The following BCL11A variants were observed in gnomAD, a reference collection of about 807,000 sequenced individuals.
BCL11A encodes BCL11 transcription factor A.
Under a neutral mutation model 55.9 loss-of-function variants are expected in BCL11A, and 2 were observed. The ratio of observed to expected loss-of-function variants is 0.04; its 90% confidence interval spans 0.01 to 0.11. BCL11A has a LOEUF of 0.11. Among genes scored for constraint, BCL11A ranks in the 10% least tolerant of loss-of-function variants. BCL11A has a pLI of 1.00. For missense variants in BCL11A, 817 were observed against 1,137.1 expected, an observed-to-expected ratio of 0.72 and a Z score of 4.05; for synonymous variants, 465 against 473.4, an observed-to-expected ratio of 0.98 and a Z score of 0.23.
rs112094046 is a variant in BCL11A at position 60,459,930 on chromosome 2, C to A, written c.*474G>T. On this transcript the variant is annotated 3_prime_UTR_variant, in exon 4 of 4. Transcript: ENST00000642384. ...TATTACAGAATGTATGCAGCATGGT[C>A]TTTTTCTCTCTCTCTCTCTTTTTCT... is the stretch of plus-strand genomic sequence containing the variant. The A allele has an allele frequency of 5.6e-5, 59 of 1,061,710 alleles. No homozygotes were observed. The highest frequency in any genetic ancestry group is 6.6e-5 in the Non-Finnish European group (58 of 877,022). 65.8% of individuals were successfully genotyped at this position (1,061,710 alleles called of 1,614,324 possible).
intron 3 of BCL11A, among the ~76,000 whole-genome samples, chr2:60,467,777 G>A (rs1572964436): frequency 1.1e-5 from 1 of 88,132 alleles, no homozygotes; most frequent in Non-Finnish European, 2.4e-5. Context: ...GGTGGAGATG[G>A]TGGTGTTGAT....
At chr2:60,551,487 G>A (rs760152398) in intron 1 of BCL11A, among the ~76,000 whole-genome samples, 9 of 152,264 alleles carry the variant, frequency 5.9e-5, no homozygotes, top group Non-Finnish European at 1.0e-4. Context: ...CAGACCGGGC[G>A]GGGTGGGGGG....
chr2:60,540,497 C>T lies in BCL11A; in HGVS notation c.385+5474G>A, dbSNP rs373507463. On this transcript the variant is annotated intron_variant, in intron 2 of 3. Coordinates refer to ENST00000642384, the MANE Select transcript of BCL11A (RefSeq NM_022893.4). ...TTTAATATTTCCCCCCAAAGGAAAG[C>T]CAAAATTTGTTTCCTTTCTTACTGA... is the stretch of plus-strand genomic sequence containing the variant. 3.9e-4 allele frequency among the ~76,000 whole-genome samples: 59 copies of T among 152,268 alleles called. 1 individual carries two copies. The East Asian group carries it at 9.3e-3, about 24-fold the overall frequency.
chr2:60,546,693 TA>T lies in BCL11A; in HGVS notation c.56-394del, dbSNP rs911720360. 1.9e-4 allele frequency among the ~76,000 whole-genome samples: 28 copies of T among 148,196 alleles called. No homozygotes were observed. Among genetic ancestry groups the T allele is most frequent in the Admixed American group, 3.4e-4 (5 of 14,890 alleles). On this transcript the variant is annotated intron_variant, in intron 1 of 3. Transcript: ENST00000642384. This position sits in a 1 kb window ranked among gnomAD's most constrained non-coding sequence, Gnocchi z 4.1. The stretch of plus-strand genomic sequence containing the variant: ...AATAATAACTACAAGAAAAACTGGT[TA>T]AAAAAAAAAGTGGATAGAAACCAAA...
chr2:60,544,631 T>G (rs374686405), intron 2 of BCL11A: 3 of 152,332 alleles, frequency 2.0e-5, no homozygotes, highest in African/African-American at 7.2e-5. Context: ...TAATCCCCTC[T>G]AGACCACTGA....
At chr2:60,540,033 G>A (rs1160033158) in intron 2 of BCL11A, among the ~76,000 whole-genome samples, 1 of 152,082 alleles carries the variant, frequency 6.6e-6, no homozygotes, top group Admixed American at 6.5e-5. Flanking sequence ...TATATAGTCT[G>A]AACATATTTT....
chr2:60,480,056 G>A (rs1023114516), intron 2 of BCL11A, among the ~76,000 whole-genome samples: 10 of 152,140 alleles, frequency 6.6e-5, no homozygotes, highest in South Asian at 2.1e-4. Flanking sequence ...CGGCTCCTCC[G>A]GTGTGGAGCA....
chr2:60,485,373 C>A (rs1410102979), intron 2 of BCL11A, among the ~76,000 whole-genome samples: 1 of 152,244 alleles, frequency 6.6e-6, no homozygotes, highest in Non-Finnish European at 1.5e-5. Context: ...CCCAGCAGGG[C>A]CCATGCCTCT....
chr2:60,463,556 C>T (rs894349958), intron 3 of BCL11A, among the ~76,000 whole-genome samples: 7 of 152,218 alleles, frequency 4.6e-5, no homozygotes, highest in Admixed American at 2.6e-4. Flanking sequence ...CACATTATTT[C>T]CCTTGCTGAA....
chr2:60,506,567 G>A (rs1199835765), intron 2 of BCL11A, among the ~76,000 whole-genome samples: 3 of 152,156 alleles, frequency 2.0e-5, no homozygotes, highest in Non-Finnish European at 4.4e-5. Context: ...GAAAGCCCTG[G>A]CTATACAAAA....
chr2:60,549,279 T>C (rs1277431502), intron 1 of BCL11A, among the ~76,000 whole-genome samples: 1 of 152,084 alleles, frequency 6.6e-6, no homozygotes, highest in African/African-American at 2.4e-5. Flanking sequence ...AAATAATCCT[T>C]ATAGGAAATG....
At chr2:60,549,584 T>A (rs907514942) in intron 1 of BCL11A, among the ~76,000 whole-genome samples, 12 of 152,198 alleles carry the variant, frequency 7.9e-5, no homozygotes, top group Admixed American at 4.6e-4. Flanking sequence ...CCGCCGCGCT[T>A]GCTGCGAACA....
chr2:60,538,739 C>CTCTGTGTGTGTGTG (rs1436371909), intron 2 of BCL11A, among the ~76,000 whole-genome samples: 2 of 67,530 alleles, frequency 3.0e-5, no homozygotes, highest in Admixed American at 3.0e-4. Context: ...CTCTCTCTCT[C>CTCTGTGTGTGTGTG]TGTGTGTGTG....
At chr2:60,543,556 T>C (rs531364262) in intron 2 of BCL11A, 3 of 152,128 alleles carry the variant, frequency 2.0e-5, no homozygotes, top group African/African-American at 7.2e-5. Context: ...GGCCAGAGCG[T>C]CGGAATTTAT....
intron 2 of BCL11A, chr2:60,524,635 C>G (rs1432060260): frequency 6.6e-6 from 1 of 151,818 alleles, no homozygotes; most frequent in African/African-American, 2.4e-5. Context: ...AATAAATTAC[C>G]TTTTTATTGA....
intron 2 of BCL11A, among the ~76,000 whole-genome samples, chr2:60,499,295 C>T (rs1211555422): frequency 6.6e-6 from 1 of 152,194 alleles, no homozygotes; most frequent in African/African-American, 2.4e-5. Context: ...GACGCCCCTG[C>T]CCAGCCATAC....
chr2:60,479,740 C>T (rs1677845136), intron 2 of BCL11A, among the ~76,000 whole-genome samples: 1 of 152,216 alleles, frequency 6.6e-6, no homozygotes, highest in African/African-American at 2.4e-5. Context: ...GGCAAAGAGT[C>T]AAGGGTCTGT....
chr2:60,459,123 T>C lies in BCL11A; in HGVS notation c.*1281A>G, dbSNP rs1226197955. 1 of 1,022,592 alleles carries C rather than the reference T, an allele frequency of 9.8e-7. No individual in the cohort carries two copies. The allele number at this position is 1,022,592 out of a possible 1,614,324, so 63.3% of individuals were successfully genotyped here. ...AATGGCAAATAGTACCACGTTGTGC[T>C]AATAAATCATATTATTTTCTTCTGT... On this transcript the variant is annotated 3_prime_UTR_variant, in exon 4 of 4. Transcript: ENST00000642384.
At chr2:60,532,409 GTTTT>G (rs1196920938) in intron 2 of BCL11A, among the ~76,000 whole-genome samples, 1 of 138,148 alleles carries the variant, frequency 7.2e-6, no homozygotes, top group Non-Finnish European at 1.6e-5. Context: ...TTTGTTTTTT[GTTTT>G]TTTGTTTTTC....
Sources: allele counts gnomAD v4.1 joint callset (sites outside exome capture counted in the v4.1 genomes callset), GRCh38; gene constraint gnomAD v4.1.1; non-coding constraint Gnocchi (gnomAD v3.1); transcripts MANE v1.5; gene names NCBI Gene and HGNC (gene_info 2026-07-23, HGNC 2026-07-21).